EXT2: variants seen among roughly 807,000 people sequenced by gnomAD.
EXT2 encodes the protein exostosin-2.
EXT2 carries 53 observed loss-of-function variants against 81.6 expected under a neutral mutation model. That is an observed-to-expected ratio of 0.65 (90% CI 0.52 to 0.82). The LOEUF (loss-of-function observed/expected upper bound fraction) is 0.82, where lower values mean the gene tolerates loss of function less well. EXT2 is among the 40% of genes least tolerant of loss of function. The pLI is 0.00. For missense variants in EXT2, 774 were observed against 910.2 expected (o/e 0.85, Z 1.93); for synonymous variants, 320 against 340.0 (o/e 0.94, Z 0.65).
rs186366113 is a variant in EXT2 at position 44,241,096 on chromosome 11, A to G, written c.2019-3053A>G. 6.6e-5 allele frequency among the ~76,000 whole-genome samples: 10 copies of G among 152,244 alleles called. No individual in the cohort carries two copies. The East Asian group carries it at 1.7e-3, about 26-fold the overall frequency. ...GTGGTTCAGTAGCTCATTTATTCCTATATTTGGGGGTCTGGGATCAGAAAT... is the reference window on the plus strand; with the variant it reads ...GTGGTTCAGTAGCTCATTTATTCCTGTATTTGGGGGTCTGGGATCAGAAAT... On this transcript the variant is annotated intron_variant, in intron 13 of 13. Transcript: ENST00000533608.
intron 7 of EXT2, among the ~76,000 whole-genome samples, chr11:44,165,183 T>C (rs141277948): frequency 0.01 from 1,588 of 152,310 alleles, 22 homozygotes; most frequent in African/African-American, 0.034. Flanking sequence ...CGGCCCACAC[T>C]TTTAAGATAG....
intron 7 of EXT2, among the ~76,000 whole-genome samples, chr11:44,159,886 G>A (rs1191732748): frequency 2.0e-5 from 3 of 152,204 alleles, no homozygotes; most frequent in African/African-American, 7.2e-5. Flanking sequence ...TCACTTTTAT[G>A]TGGAAGGTTA....
At chr11:44,196,714 A>T (rs1421410629) in intron 8 of EXT2, among the ~76,000 whole-genome samples, 1 of 152,226 alleles carries the variant, frequency 6.6e-6, no homozygotes, top group Non-Finnish European at 1.5e-5. Context: ...ATAGCAATTT[A>T]TTCTTGTTTC....
At chr11:44,115,862 G>T (rs1954215394) in intron 4 of EXT2, 1 of 152,166 alleles carries the variant, frequency 6.6e-6, no homozygotes, top group Non-Finnish European at 1.5e-5. Flanking sequence ...GATGTGTAAA[G>T]CCCAGGTGAG....
intron 7 of EXT2, among the ~76,000 whole-genome samples, chr11:44,146,303 C>G (rs1246520887): frequency 6.6e-6 from 1 of 152,148 alleles, no homozygotes; most frequent in African/African-American, 2.4e-5. Flanking sequence ...GTGAGGGTGT[C>G]AACATGTGAA....
At chr11:44,183,687 A>T (rs541400683) in intron 8 of EXT2, among the ~76,000 whole-genome samples, 1 of 150,988 alleles carries the variant, frequency 6.6e-6, no homozygotes, top group Non-Finnish European at 1.5e-5. Flanking sequence ...TTTCACATCT[A>T]TTTTCCTATT....
chr11:44,221,326 G>A lies in EXT2; in HGVS notation c.1663-11027G>A, dbSNP rs865948048. Among the ~76,000 whole-genome samples, 3 of 152,288 alleles carry A rather than the reference G, an allele frequency of 2.0e-5. No homozygotes were observed. The South Asian group carries it at 6.2e-4, about 32-fold the overall frequency. ...CTTTCCTATCTGCAGCACCATGGAG[G>A]CCACCTGGTTTCGTATCTCTGCTTC... On this transcript the variant is annotated intron_variant, in intron 10 of 13. Coordinates refer to ENST00000533608, the MANE Select transcript of EXT2 (RefSeq NM_207122.2).
At chr11:44,185,321 C>A (rs879367720) in intron 8 of EXT2, among the ~76,000 whole-genome samples, 5 of 152,136 alleles carry the variant, frequency 3.3e-5, no homozygotes, top group Non-Finnish European at 5.9e-5. Context: ...CATTTTTGGT[C>A]CCTAGGGACT....
chr11:44,159,815 T>C (rs1008986075), intron 7 of EXT2, among the ~76,000 whole-genome samples: 8 of 152,190 alleles, frequency 5.3e-5, no homozygotes, highest in Non-Finnish European at 1.2e-4. Flanking sequence ...CTTCTCAGTT[T>C]TTCCCCAACC....
intron 13 of EXT2, among the ~76,000 whole-genome samples, chr11:44,243,775 T>C (rs1174295043): frequency 2.0e-5 from 3 of 152,016 alleles, no homozygotes; most frequent in Non-Finnish European, 4.4e-5. Flanking sequence ...GGGTTAAGAA[T>C]TGTTGGCAGC....
chr11:44,240,277 A>C (rs1465172123), intron 13 of EXT2, among the ~76,000 whole-genome samples: 1 of 152,364 alleles, frequency 6.6e-6, no homozygotes, highest in Non-Finnish European at 1.5e-5. Context: ...AACTGAAAAC[A>C]GAGAGGCAAC....
chr11:44,198,049 A>G, intron 9 of EXT2, 31 bp downstream of exon 9: 1 of 1,612,148 alleles, frequency 6.2e-7, no homozygotes, highest in South Asian at 1.1e-5. Flanking sequence ...TCTCAGCTGG[A>G]TCAATTTTGG....
chr11:44,210,748 A>G (rs1261772350), intron 10 of EXT2, among the ~76,000 whole-genome samples: 3 of 152,248 alleles, frequency 2.0e-5, no homozygotes, highest in African/African-American at 7.2e-5. Context: ...CTTGAAAAAT[A>G]CAACAAAATG....
intron 8 of EXT2, among the ~76,000 whole-genome samples, chr11:44,172,118 C>A (rs1177665885): frequency 6.6e-6 from 1 of 152,224 alleles, no homozygotes; most frequent in East Asian, 1.9e-4. Context: ...TGAGTGCTTA[C>A]TCTGCCAGGG....
chr11:44,134,283 G>A (rs1223153361), intron 7 of EXT2, among the ~76,000 whole-genome samples: 1 of 152,092 alleles, frequency 6.6e-6, no homozygotes, highest in African/African-American at 2.4e-5. Context: ...ATGTTTTTTG[G>A]TGGGGGGAGA....
rs373068341 is a variant in EXT2, at chr11:44,144,315, G to A, written c.1173+14177G>A. The A allele has an allele frequency of 5.3e-5, 84 of 1,598,274 alleles. No individual in the cohort carries two copies. In the African/African-American group the frequency reaches 9.6e-4, roughly 18 times the overall value. ...ATCACCAAATGAACTCCCTGATCTG[G>A]CCTAGGGAACAGTGGGATTCACAGG... On this transcript the variant is annotated intron_variant, in intron 7 of 13. Coordinates refer to ENST00000533608, the MANE Select transcript of EXT2 (RefSeq NM_207122.2).
chr11:44,106,394 C>T (rs1308407578), intron 1 of EXT2, among the ~76,000 whole-genome samples: 9 of 152,096 alleles, frequency 5.9e-5, no homozygotes, highest in Non-Finnish European at 1.2e-4. Context: ...GCAACTATCA[C>T]CTTCATTATA....
intron 10 of EXT2, among the ~76,000 whole-genome samples, chr11:44,224,389 A>G (rs1321977303): frequency 2.6e-4 from 39 of 152,010 alleles, no homozygotes; most frequent in Admixed American, 2.6e-3. Context: ...ATATGTGTAC[A>G]TATATTAGAT....
rs549299643 is a variant in EXT2 at position 44,236,298 on chromosome 11, C to G, written c.1941C>G (p.Thr647=). 1.2e-6 allele frequency: 2 copies of G among 1,614,066 alleles called. No homozygotes were observed. The highest frequency in any genetic ancestry group is 2.2e-5 in the South Asian group (2 of 91,080). ...TTTTTGTCCTCCTCTGGCAGGTAAC[C>G]CCACGAAAGAAATTCAAGTGTCCTG... ...NVTGKAVIKV[T]PRKKFKCPEC... Residue 647 remains threonine, a synonymous_variant, in exon 13 of 14, where the codon ACC becomes ACG. Coordinates refer to ENST00000533608, the MANE Select transcript of EXT2 (RefSeq NM_207122.2).
Sources: gnomAD v4.1 joint callset for allele counts (sites outside exome capture counted in the v4.1 genomes callset) on GRCh38, gnomAD v4.1.1 for gene constraint, MANE v1.5 for transcripts, NCBI Gene and HGNC (gene_info 2026-07-23, HGNC 2026-07-21) for gene names.